The following XIST variants were observed in gnomAD, a reference collection of about 807,000 sequenced individuals.
XIST encodes X inactive specific transcript (non-protein coding).
At chrX:73,823,280 T>C in exon 6 of XIST, 1 of 491,101 alleles carries the variant, frequency 2.0e-6, no homozygotes, top group Non-Finnish European at 3.6e-6. Context: ...AATGTCTCTT[T>C]ATTTTGAAAG....
At chrX:73,827,216 C>A in exon 6 of XIST, 1 of 558,838 alleles carries the variant, frequency 1.8e-6, no homozygotes, top group Non-Finnish European at 3.2e-6. Context: ...GGAACCGCTC[C>A]ACAATGCTTG....
intron 4 of XIST, among the ~76,000 whole-genome samples, chrX:73,830,320 C>T (rs960797197): frequency 8.9e-6 from 1 of 111,735 alleles, no homozygotes. Flanking sequence ...GATTTCTAGT[C>T]AATTATAACA....
chrX:73,848,714 C>A (rs1350114167), exon 1 of XIST: 6 of 556,794 alleles, frequency 1.1e-5, no homozygotes, highest in Non-Finnish European at 1.6e-5. Flanking sequence ...ATTTTTATTG[C>A]ACAGAACCAT....
exon 1 of XIST, chrX:73,842,175 AT>A (rs1017374794): frequency 3.9e-6 from 2 of 509,024 alleles, no homozygotes; most frequent in African/African-American, 4.7e-5. Flanking sequence ...TCTTAAAAAA[AT>A]TTTTTTAATA....
At chrX:73,830,954 T>C in intron 4 of XIST, 1 of 457,409 alleles carries the variant, frequency 2.2e-6, no homozygotes, top group South Asian at 3.2e-5. Context: ...TACCAAATCA[T>C]ATGCAGAATA....
chrX:73,851,818 A>C (rs751109717), exon 1 of XIST: 1 of 558,672 alleles, frequency 1.8e-6, no homozygotes, highest in East Asian at 3.2e-5. Flanking sequence ...GCAAGTCTAA[A>C]ATGGCGGCCA....
intron 1 of XIST, chrX:73,837,604 T>C (rs758211661): frequency 6.6e-6 from 3 of 452,006 alleles, no homozygotes; most frequent in Non-Finnish European, 1.2e-5. Flanking sequence ...TTGTGACAAA[T>C]GTACCAAACT....
At chrX:73,829,021 A>G in intron 5 of XIST, 1 of 515,472 alleles carries the variant, frequency 1.9e-6, no homozygotes, top group South Asian at 2.8e-5. Context: ...CAGCTGTTAT[A>G]ACAGTTCTGA....
chrX:73,844,758 T>C (rs374006264), exon 1 of XIST: 7 of 556,655 alleles, frequency 1.3e-5, no homozygotes, highest in African/African-American at 1.1e-4. Context: ...CCTGCTGTAC[T>C]GCAAAAGGGG....
chrX:73,840,142 A>G (rs929854625), intron 1 of XIST, among the ~76,000 whole-genome samples: 1 of 111,638 alleles, frequency 9.0e-6, no homozygotes, highest in African/African-American at 3.3e-5. Flanking sequence ...TGTTCCTCAA[A>G]ACACATTTTT....
chrX:73,823,079 C>T (rs1241392890), exon 6 of XIST: 3 of 553,024 alleles, frequency 5.4e-6, no homozygotes, highest in Admixed American at 4.5e-5. Context: ...CATATGTCTT[C>T]CTGTCTCTAA....
chrX:73,850,752 G>A, exon 1 of XIST: 1 of 271,375 alleles, frequency 3.7e-6, no homozygotes, highest in Non-Finnish European at 6.9e-6. Context: ...GGGGAGTTGG[G>A]GGGGTTGGGG....
In XIST at chrX:73,835,977, A is replaced by G. The variant is rs191878907; in HGVS notation, n.11406+1463T>C. The stretch of plus-strand genomic sequence containing the variant: ...CTTGACTAAAATTGAAAGGTTAAAA[A>G]TTATATTTGGGTTACAATTGCCAAG... On this transcript the variant is annotated intron_variant and non_coding_transcript_variant, in intron 2 of 5. Coordinates refer to ENST00000429829, the Ensembl canonical transcript of XIST. Among the ~76,000 whole-genome samples, 84 of 111,805 alleles carry G rather than the reference A, an allele frequency of 7.5e-4. 2 individuals carry two copies. In the Admixed American group the frequency reaches 7.8e-3, roughly 10 times the overall value.
At chrX:73,822,580 G>C in exon 6 of XIST, 1 of 509,636 alleles carries the variant, frequency 2.0e-6, no homozygotes, top group Non-Finnish European at 3.5e-6. Context: ...TAATAAGCAA[G>C]TGTCTTTTCG....
chrX:73,830,153 GAAA>G (rs1349528151), intron 4 of XIST, among the ~76,000 whole-genome samples: 1 of 110,729 alleles, frequency 9.0e-6, no homozygotes, highest in African/African-American at 3.3e-5. Flanking sequence ...AGAAGAAGAA[GAAA>G]AAGAAAATTC....
Position 73,848,963 on chromosome X carries a change from T to C in XIST, n.3761A>G, listed in dbSNP as rs533250181. Reference sequence around the variant, plus strand: ...CCATGAATAATTACTATTGTATCCATTAATATTCCAAGGGAAGGGGCTCTA... The same window carrying C: ...CCATGAATAATTACTATTGTATCCACTAATATTCCAAGGGAAGGGGCTCTA... On this transcript the variant is annotated non_coding_transcript_exon_variant, in exon 1 of 6. Transcript: ENST00000429829. 8.4e-5 allele frequency: 47 copies of C among 556,440 alleles called. 1 individual carries two copies. The South Asian group carries it at 8.8e-4, about 10-fold the overall frequency. The allele number at this position is 556,440 out of a possible 1,213,427, so 45.9% of individuals were successfully genotyped here. A position where few individuals can be genotyped will look rare whatever the true frequency, so the allele number is the denominator to read the frequency against.
exon 1 of XIST, chrX:73,851,114 AC>A (rs778079922): frequency 1.6e-5 from 9 of 556,938 alleles, no homozygotes; most frequent in Non-Finnish European, 2.9e-5. Context: ...GATCAATTCC[AC>A]CCCCATTTCT....
intron 1 of XIST, chrX:73,841,293 G>A: frequency 2.4e-6 from 1 of 411,822 alleles, no homozygotes; most frequent in Non-Finnish European, 4.2e-6. Context: ...GAAACTTACT[G>A]GACCCTCTGA....
At chrX:73,851,304 A>T (rs1264360450) in exon 1 of XIST, 1 of 557,447 alleles carries the variant, frequency 1.8e-6, no homozygotes. Context: ...CTGCGGCAAA[A>T]CCCAACACGA....
Sources: allele counts gnomAD v4.1 joint callset (sites outside exome capture counted in the v4.1 genomes callset), GRCh38; gene constraint gnomAD v4.1.1; transcripts MANE v1.5; gene names NCBI Gene and HGNC (gene_info 2026-07-23, HGNC 2026-07-21).